CHL1: variants seen among roughly 807,000 people sequenced by gnomAD.
CHL1 encodes the protein cell adhesion molecule L1 like.
A neutral mutation model predicts 141.9 loss-of-function variants in CHL1; 96 were observed. That is an observed-to-expected ratio of 0.68 (90% CI 0.57 to 0.80). CHL1 has a LOEUF of 0.80. CHL1 is among the 30% of genes least tolerant of loss of function. CHL1 has a pLI of 0.00. For missense variants in CHL1, 1,820 were observed against 1,457.2 expected, an observed-to-expected ratio of 1.25 and a Z score of -4.05; for synonymous variants, 613 against 502.2, an observed-to-expected ratio of 1.22 and a Z score of -2.95.
In CHL1 at chr3:322,139, C is replaced by T. The variant is rs541621772; in HGVS notation, c.91+2272C>T. Among the ~76,000 whole-genome samples, 5 of 152,110 alleles carry T rather than the reference C, an allele frequency of 3.3e-5. No individual in the cohort carries two copies. The East Asian group carries it at 7.7e-4, about 24-fold the overall frequency. On this transcript the variant is annotated intron_variant, in intron 3 of 27. Transcript: ENST00000256509. Reference sequence around the variant, plus strand: ...ATTTGCAATAAGCTCAAGTCCTGCTCTACACAGAAATAGTAGTAGTCAGAA... The same window carrying T: ...ATTTGCAATAAGCTCAAGTCCTGCTTTACACAGAAATAGTAGTAGTCAGAA...
chr3:402,721 G>A lies in CHL1; in HGVS notation c.3458+1023G>A, dbSNP rs1489848785. Among the ~76,000 whole-genome samples the A allele has an allele frequency of 3.9e-5, 6 of 152,124 alleles. No individual in the cohort carries two copies. In the East Asian group the frequency reaches 1.2e-3, roughly 29 times the overall value. On this transcript the variant is annotated intron_variant, in intron 27 of 27. Transcript: ENST00000256509. Reference sequence around the variant, plus strand: ...TACTTATTTTTCTGTATTCTACTTAGTCAATACCCTTTTTATATTTTTATA... The same window carrying A: ...TACTTATTTTTCTGTATTCTACTTAATCAATACCCTTTTTATATTTTTATA...
intron 15 of CHL1, among the ~76,000 whole-genome samples, chr3:370,511 T>C (rs1419081151): frequency 2.0e-5 from 3 of 146,806 alleles, no homozygotes; most frequent in African/African-American, 5.0e-5. Flanking sequence ...GTCTAGCTAG[T>C]CATCTATCTA....
intron 15 of CHL1, chr3:376,401 G>A (rs754746580): frequency 1.9e-6 from 1 of 517,228 alleles, no homozygotes; most frequent in Non-Finnish European, 3.9e-6. Flanking sequence ...ACTGAGGCTG[G>A]AACACGACAT....
rs115658182 is a variant in CHL1, at chr3:224,008, C to A, written c.-174-20605C>A. On this transcript the variant is annotated intron_variant, in intron 1 of 27. Coordinates refer to ENST00000256509, the MANE Select transcript of CHL1 (RefSeq NM_006614.4). Reference sequence around the variant, plus strand: ...CTCAAAGACTAATCTTAGGTTTTCACAATAATGATGTTACCTATAGGAGCA... The same window carrying A: ...CTCAAAGACTAATCTTAGGTTTTCAAAATAATGATGTTACCTATAGGAGCA... Among the ~76,000 whole-genome samples, 1,400 of 152,252 alleles carry A rather than the reference C, an allele frequency of 9.2e-3. 24 individuals carry two copies. The highest frequency in any genetic ancestry group is 0.037 in the Middle Eastern group (11 of 294).
chr3:383,794 G>T (rs374355059), intron 18 of CHL1, 22 bp from the exon 19 acceptor site: 2 of 1,581,650 alleles, frequency 1.3e-6, no homozygotes, highest in South Asian at 2.2e-5. Context: ...GAAAAATAAT[G>T]TTAATGTTTT....
chr3:384,505 T>C (rs1379660046), intron 19 of CHL1: 1 of 152,210 alleles, frequency 6.6e-6, no homozygotes, highest in Non-Finnish European at 1.5e-5. Context: ...CATATCTCGG[T>C]TAAATGTTAT....
chr3:395,567 C>T (rs1424236355), intron 24 of CHL1, among the ~76,000 whole-genome samples: 2 of 152,044 alleles, frequency 1.3e-5, no homozygotes, highest in African/African-American at 2.4e-5. Context: ...GATGTACACA[C>T]GAAGTGAAAC....
At chr3:383,229 A>C (rs1203246947) in intron 18 of CHL1, among the ~76,000 whole-genome samples, 1 of 152,164 alleles carries the variant, frequency 6.6e-6, no homozygotes, top group East Asian at 1.9e-4. Flanking sequence ...TTATAACTGG[A>C]TCAGATAGAA....
At chr3:365,288 A>G (rs1292331870) in intron 14 of CHL1, among the ~76,000 whole-genome samples, 1 of 152,222 alleles carries the variant, frequency 6.6e-6, no homozygotes, top group Non-Finnish European at 1.5e-5. Context: ...GGCAGCCATA[A>G]ACCAATCTTT....
intron 2 of CHL1, among the ~76,000 whole-genome samples, chr3:303,058 G>A (rs887696889): frequency 5.3e-5 from 8 of 152,110 alleles, no homozygotes; most frequent in African/African-American, 1.4e-4. Flanking sequence ...TTGTAGCTGC[G>A]TGGTGTTATT....
intron 16 of CHL1, 95 bp from the exon 17 acceptor site, chr3:382,084 C>G (rs557441602): frequency 2.0e-6 from 2 of 995,272 alleles, no homozygotes; most frequent in Admixed American, 2.1e-5. Context: ...GAGGGTGGTA[C>G]CTCCTCTGTC....
chr3:290,935 C>CA (rs11328876), intron 2 of CHL1, among the ~76,000 whole-genome samples: 682 of 91,588 alleles, frequency 7.4e-3, no homozygotes, highest in South Asian at 0.038. Context: ...GACTCTGTCT[C>CA]AAAAAAAAAA....
intron 1 of CHL1, among the ~76,000 whole-genome samples, chr3:233,678 TA>T (rs1181180714): frequency 2.0e-5 from 3 of 152,174 alleles, no homozygotes; most frequent in African/African-American, 7.2e-5. Flanking sequence ...TCACATTCTA[TA>T]AAAAATTTTG....
intron 9 of CHL1, among the ~76,000 whole-genome samples, chr3:345,376 A>T (rs1702678480): frequency 6.6e-6 from 1 of 152,172 alleles, no homozygotes; most frequent in African/African-American, 2.4e-5. Context: ...CAGACCATGT[A>T]ATTTAAGAGA....
Position 407,188 on chromosome 3 carries a change from G to A in CHL1, c.*1477G>A, listed in dbSNP as rs914364768. The A allele has an allele frequency of 2.0e-5, 3 of 152,038 alleles. No homozygotes were observed. Among genetic ancestry groups the A allele is most frequent in the South Asian group, 2.1e-4 (1 of 4,824 alleles). The allele number at this position is 152,038 out of a possible 1,614,324, so 9.4% of individuals were successfully genotyped here. A position where few individuals can be genotyped will look rare whatever the true frequency, so the allele number is the denominator to read the frequency against. ...GGAAAGATTTTTTTAACCTTACCAC[G>A]AAATACTTAACTACTGTTTAAGTGA... On this transcript the variant is annotated 3_prime_UTR_variant, in exon 28 of 28. Coordinates refer to ENST00000256509, the MANE Select transcript of CHL1 (RefSeq NM_006614.4).
chr3:197,108 TG>T (rs540760856), intron 1 of CHL1, 45 bp downstream of exon 1: 2 of 148,602 alleles, frequency 1.3e-5, no homozygotes, highest in South Asian at 2.2e-4. Flanking sequence ...GTGCCGGCGC[TG>T]GGGGGGTCTC....
chr3:374,466 C>G (rs761097511), intron 15 of CHL1, among the ~76,000 whole-genome samples: 1 of 152,124 alleles, frequency 6.6e-6, no homozygotes, highest in African/African-American at 2.4e-5. Flanking sequence ...GAATCAGAGA[C>G]CCATGGCTGG....
chr3:217,271 A>G (rs370306244), intron 1 of CHL1, among the ~76,000 whole-genome samples: 3 of 152,132 alleles, frequency 2.0e-5, no homozygotes, highest in African/African-American at 4.8e-5. Flanking sequence ...GTATATGTGT[A>G]TACGTGTGTG....
chr3:245,549 CAAT>C (rs1383239182), intron 2 of CHL1, among the ~76,000 whole-genome samples: 1 of 151,946 alleles, frequency 6.6e-6, no homozygotes, highest in African/African-American at 2.4e-5. Flanking sequence ...ATTTTTTTCT[CAAT>C]GATGAAAGAA....
Sources: allele counts gnomAD v4.1 joint callset (sites outside exome capture counted in the v4.1 genomes callset), GRCh38; gene constraint gnomAD v4.1.1; transcripts MANE v1.5; gene names NCBI Gene and HGNC (gene_info 2026-07-23, HGNC 2026-07-21).